Variants in FOXP1 observed in about 807,000 individuals in gnomAD.
The protein encoded by FOXP1 is forkhead box protein P1.
FOXP1 carries 15 observed loss-of-function variants against 98.2 expected under a neutral mutation model. The ratio of observed to expected loss-of-function variants is 0.15; its 90% CI spans 0.10 to 0.24. The LOEUF is 0.24. Ranked by LOEUF, FOXP1 falls within the 10% of genes least tolerant of loss-of-function variation. FOXP1 has a pLI of 1.00. For missense variants in FOXP1, 633 were observed against 848.5 expected (o/e 0.75, Z 3.15); for synonymous variants, 371 against 314.5 (o/e 1.18, Z -1.90).
At chr3:71,545,498 G>C (rs1277641206) in intron 2 of FOXP1, among the ~76,000 whole-genome samples, 1 of 152,146 alleles carries the variant, frequency 6.6e-6, no homozygotes, top group Non-Finnish European at 1.5e-5. Context: ...GGTAAATATT[G>C]ATGGGGTTTT....
At chr3:71,359,888 T>G (rs985933890) in intron 3 of FOXP1, among the ~76,000 whole-genome samples, 9 of 151,960 alleles carry the variant, frequency 5.9e-5, no homozygotes, top group African/African-American at 2.2e-4. Flanking sequence ...CACCTCCCAG[T>G]TTCAAGCGAT....
At chr3:71,006,255 A>G (rs1181565082) in intron 12 of FOXP1, among the ~76,000 whole-genome samples, 1 of 152,120 alleles carries the variant, frequency 6.6e-6, no homozygotes, top group Non-Finnish European at 1.5e-5. Flanking sequence ...CTCAATTTAA[A>G]TAAAATAATA....
At chr3:71,276,155 T>C (rs983548991) in intron 5 of FOXP1, 1 of 152,206 alleles carries the variant, frequency 6.6e-6, no homozygotes, top group Non-Finnish European at 1.5e-5. Flanking sequence ...TGAGAAAGTA[T>C]GGAGTAGTGA....
intron 6 of FOXP1, among the ~76,000 whole-genome samples, chr3:71,151,714 C>T (rs1050827768): frequency 1.9e-4 from 28 of 143,674 alleles, no homozygotes; most frequent in African/African-American, 6.9e-4. Context: ...TTTGGTCATA[C>T]CTTGCACGGA....
chr3:71,026,147 G>C (rs2046087866), intron 11 of FOXP1, among the ~76,000 whole-genome samples: 1 of 152,198 alleles, frequency 6.6e-6, no homozygotes, highest in African/African-American at 2.4e-5. Context: ...AAGATTTGCA[G>C]ATGTATCTTA....
chr3:71,053,627 G>A lies in FOXP1; in HGVS notation c.420+9C>T, dbSNP rs1022342255. ...GGAGACAGGCTGGAGGTGGAGGAAG[G>A]ACAATTACCTGTTGAAGCATGAGGG... is the stretch of plus-strand genomic sequence containing the variant. On this transcript the variant is annotated intron_variant, in intron 8 of 20. Transcript: ENST00000649528. 10 of 1,614,018 alleles carry A rather than the reference G, an allele frequency of 6.2e-6. No homozygotes were observed. In the Admixed American group the frequency reaches 8.3e-5, roughly 13 times the overall value.
chr3:71,329,295 C>T (rs1377137750), intron 4 of FOXP1, among the ~76,000 whole-genome samples: 1 of 151,822 alleles, frequency 6.6e-6, no homozygotes, highest in Non-Finnish European at 1.5e-5. Flanking sequence ...GATCTCTGCT[C>T]ACTGCAAGCT....
chr3:71,111,867 A>C (rs2057959548), intron 7 of FOXP1, among the ~76,000 whole-genome samples: 1 of 152,204 alleles, frequency 6.6e-6, no homozygotes, highest in African/African-American at 2.4e-5. Context: ...TATCCACTGA[A>C]GAATTGGGTA....
intron 11 of FOXP1, among the ~76,000 whole-genome samples, chr3:71,034,192 T>C (rs966774316): frequency 1.3e-5 from 2 of 152,112 alleles, no homozygotes; most frequent in African/African-American, 4.8e-5. Context: ...GGGGGCTTCT[T>C]CTAAATTACT....
At chr3:71,056,803 G>A (rs1451374507) in intron 7 of FOXP1, among the ~76,000 whole-genome samples, 2 of 149,940 alleles carry the variant, frequency 1.3e-5, no homozygotes, top group Admixed American at 6.6e-5. Flanking sequence ...AGAAACTATG[G>A]TGGGGTAGAA....
At chr3:71,039,161 T>C (rs999983163) in intron 11 of FOXP1, among the ~76,000 whole-genome samples, 6 of 152,084 alleles carry the variant, frequency 3.9e-5, no homozygotes, top group African/African-American at 1.2e-4. Context: ...TATAATTTCA[T>C]AGTTGCTTCT....
chr3:71,472,023 T>C (rs1299221143), intron 3 of FOXP1, among the ~76,000 whole-genome samples: 3 of 152,204 alleles, frequency 2.0e-5, no homozygotes, highest in Middle Eastern at 3.2e-3. Context: ...TAATTACATT[T>C]ACATTTTATT....
chr3:71,399,569 A>G (rs1205238592), intron 3 of FOXP1, among the ~76,000 whole-genome samples: 1 of 152,190 alleles, frequency 6.6e-6, no homozygotes, highest in Non-Finnish European at 1.5e-5. Context: ...TAGTTCCAAC[A>G]TTCACCCAGA....
At position 71,345,871 on chromosome 3, in the gene FOXP1, T is replaced by TAA. The variant is rs71120316; in HGVS notation, c.-73+13277_-73+13278dup. Among the ~76,000 whole-genome samples, 412 of 55,090 alleles carry TAA rather than the reference T, an allele frequency of 7.5e-3. 14 individuals are homozygous for TAA. The highest frequency in any genetic ancestry group is 0.023 in the African/African-American group (376 of 16,276). 36.1% of individuals were successfully genotyped at this position (55,090 alleles called of 152,430 possible). On this transcript the variant is annotated intron_variant, in intron 4 of 20. Transcript: ENST00000649528. ...AGGTTTGAAATCAATAAAGTTTTTG[T>TAA]AAAAAAAAAAAAAAAAAAAAAAAAA...
At chr3:71,362,064 T>C (rs1432558237) in intron 3 of FOXP1, among the ~76,000 whole-genome samples, 2 of 152,242 alleles carry the variant, frequency 1.3e-5, no homozygotes, top group Non-Finnish European at 2.9e-5. Flanking sequence ...TGGACAAGTC[T>C]GACTTTTGAC....
At chr3:71,565,744 A>C (rs540599657) in intron 2 of FOXP1, among the ~76,000 whole-genome samples, 269 of 152,332 alleles carry the variant, frequency 1.8e-3, no homozygotes, top group Non-Finnish European at 2.4e-3. Flanking sequence ...GAATCTCATA[A>C]GCTTGTTGAC....
At chr3:70,964,067 A>C (rs2034199096) in intron 20 of FOXP1, among the ~76,000 whole-genome samples, 1 of 152,224 alleles carries the variant, frequency 6.6e-6, no homozygotes, top group Non-Finnish European at 1.5e-5. Context: ...TCTTAATGGA[A>C]ATATGAGGTC....
chr3:70,974,577 G>A (rs2037095645), intron 17 of FOXP1, among the ~76,000 whole-genome samples: 2 of 152,228 alleles, frequency 1.3e-5, no homozygotes, highest in South Asian at 4.1e-4. Flanking sequence ...ACAGGCAGGA[G>A]CCACTGCATT....
chr3:71,037,202 T>G (rs547227878), intron 11 of FOXP1, among the ~76,000 whole-genome samples: 1 of 152,322 alleles, frequency 6.6e-6, no homozygotes, highest in South Asian at 2.1e-4. Flanking sequence ...TGATTAAATG[T>G]GAGTTCTTGT....
Sources: gnomAD v4.1 joint callset for allele counts (sites outside exome capture counted in the v4.1 genomes callset) on GRCh38, gnomAD v4.1.1 for gene constraint, MANE v1.5 for transcripts, NCBI Gene and HGNC (gene_info 2026-07-23, HGNC 2026-07-21) for gene names.